SPEF2: variants seen among roughly 807,000 people sequenced by gnomAD.
SPEF2 encodes the protein sperm flagellar and cilia associated 2.
A neutral mutation model predicts 224.6 loss-of-function variants in SPEF2; 187 were observed. The observed-to-expected ratio is 0.83, with a 90% CI of 0.74 to 0.94. The LOEUF (loss-of-function observed/expected upper bound fraction) is 0.94, where lower values mean the gene tolerates loss of function less well. Ranked by LOEUF, SPEF2 falls within the 40% of genes least tolerant of loss-of-function variation. The pLI, the probability that SPEF2 is intolerant of heterozygous loss-of-function variation, is 0.00. For synonymous variants in SPEF2, 715 were observed against 707.3 expected (o/e 1.01, Z -0.17); for missense variants, 2,170 against 2,135.6 (o/e 1.02, Z -0.32).
chr5:35,759,800 A>T (rs890349488), intron 25 of SPEF2, 81 bp downstream of exon 25: 1 of 1,306,288 alleles, frequency 7.7e-7, no homozygotes, highest in African/African-American at 1.5e-5. Context: ...ACTAATAAAA[A>T]TCACACTCCT....
At chr5:35,711,803 A>G (rs1055471252) in intron 19 of SPEF2, among the ~76,000 whole-genome samples, 9 of 152,254 alleles carry the variant, frequency 5.9e-5, no homozygotes, top group African/African-American at 2.2e-4. Context: ...CATTCTTATA[A>G]CTATCACTTC....
intron 9 of SPEF2, among the ~76,000 whole-genome samples, chr5:35,669,651 A>G (rs1750962346): frequency 6.6e-6 from 1 of 151,870 alleles, no homozygotes; most frequent in Admixed American, 6.6e-5. Flanking sequence ...TCACTTTTTT[A>G]TTGACTGTTT....
intron 20 of SPEF2, among the ~76,000 whole-genome samples, chr5:35,723,218 C>G (rs1026287721): frequency 2.6e-5 from 4 of 151,974 alleles, no homozygotes; most frequent in African/African-American, 9.7e-5. Context: ...TTTGAAGGAT[C>G]TGGAAGAACA....
intron 24 of SPEF2, among the ~76,000 whole-genome samples, chr5:35,754,062 A>G (rs1311745130): frequency 6.6e-6 from 1 of 152,172 alleles, no homozygotes; most frequent in Non-Finnish European, 1.5e-5. Flanking sequence ...GAGTTATCTC[A>G]CCAGACTCTC....
At chr5:35,619,040 A>G (rs1424267797) in intron 1 of SPEF2, among the ~76,000 whole-genome samples, 1 of 152,170 alleles carries the variant, frequency 6.6e-6, no homozygotes, top group African/African-American at 2.4e-5. Flanking sequence ...CTGTGGGTGC[A>G]AAGTAGTTAT....
intron 30 of SPEF2, among the ~76,000 whole-genome samples, chr5:35,780,115 C>T (rs1754123503): frequency 6.6e-6 from 1 of 152,176 alleles, no homozygotes; most frequent in Non-Finnish European, 1.5e-5. Context: ...TCTGCAGATC[C>T]AAAGTTCTTG....
chr5:35,677,183 C>T (rs1193053531), intron 10 of SPEF2, among the ~76,000 whole-genome samples: 3 of 152,096 alleles, frequency 2.0e-5, no homozygotes, highest in Non-Finnish European at 2.9e-5. Flanking sequence ...GAAATTCCAA[C>T]CAAAAGTGTC....
At chr5:35,800,246 T>C in intron 34 of SPEF2, 99 bp downstream of exon 34, 1 of 1,319,876 alleles carries the variant, frequency 7.6e-7, no homozygotes, top group Non-Finnish European at 1.0e-6. Flanking sequence ...ATCTCCGTAT[T>C]TTCCTAGGTG....
At chr5:35,785,430 G>A (rs1310808714) in intron 30 of SPEF2, among the ~76,000 whole-genome samples, 1 of 152,026 alleles carries the variant, frequency 6.6e-6, no homozygotes, top group Non-Finnish European at 1.5e-5. Context: ...AATATCTTTA[G>A]GAAAATCTGT....
At position 35,618,064 on chromosome 5, in the gene SPEF2, C is replaced by T; in HGVS notation, c.58+9C>T. On this transcript the variant is annotated intron_variant, in intron 1 of 36. Coordinates refer to ENST00000356031, the MANE Select transcript of SPEF2 (RefSeq NM_024867.4). Reference sequence around the variant, plus strand: ...GGTGTCCCGGACCGTGAGTGAGTGACCACGGCCAGGGGCGAGCGTCTGAGG... The same window carrying T: ...GGTGTCCCGGACCGTGAGTGAGTGATCACGGCCAGGGGCGAGCGTCTGAGG... 1.9e-6 allele frequency: 3 copies of T among 1,579,008 alleles called. No individual in the cohort carries two copies. The highest frequency in any genetic ancestry group is 8.6e-7 in the Non-Finnish European group (1 of 1,159,624).
chr5:35,760,344 C>CA (rs1751074675), intron 25 of SPEF2, among the ~76,000 whole-genome samples: 1 of 126,102 alleles, frequency 7.9e-6, no homozygotes, highest in Non-Finnish European at 1.7e-5. Context: ...GCCTGGGCGA[C>CA]AGAGGGAGAC....
intron 6 of SPEF2, 39 bp from the exon 7 acceptor site, chr5:35,654,501 T>C: frequency 6.8e-7 from 1 of 1,478,072 alleles, no homozygotes; most frequent in Non-Finnish European, 9.0e-7. Context: ...GGGATCACAT[T>C]ATTATTTAAA....
chr5:35,682,883 T>C (rs1457041499), intron 10 of SPEF2, among the ~76,000 whole-genome samples: 3 of 152,118 alleles, frequency 2.0e-5, no homozygotes, highest in Non-Finnish European at 4.4e-5. Flanking sequence ...TTTACAGGGG[T>C]AATCGGCAGC....
rs773002918 is a variant in SPEF2, at chr5:35,712,871, G to T, written c.2899G>T (p.Ala967Ser). The T allele has an allele frequency of 1.9e-6, 3 of 1,613,422 alleles. No individual in the cohort carries two copies. The highest frequency in any genetic ancestry group is 2.5e-6 in the Non-Finnish European group (3 of 1,179,766). Reference sequence around the variant, plus strand: ...AGGAAAAGGGAAGAAAGGTGAGACCGCACTCAAAAGAAAAGGTACAGCAGA... The same window carrying T: ...AGGAAAAGGGAAGAAAGGTGAGACCTCACTCAAAAGAAAAGGTACAGCAGA... ...QEGKGKKGETALKRKGSPKGK... is the reference protein window; with the variant it reads ...QEGKGKKGETSLKRKGSPKGK... Residue 967 changes from alanine to serine, a missense_variant, in exon 20 of 37, where the codon GCA becomes TCA. Transcript: ENST00000356031.
Position 35,697,676 on chromosome 5 carries a change from G to A in SPEF2, c.2038-14G>A. 6.3e-7 allele frequency: 1 copy of A among 1,594,288 alleles called. No homozygotes were observed. The highest frequency in any genetic ancestry group is 2.2e-5 in the East Asian group (1 of 44,756). On this transcript the variant is annotated splice_polypyrimidine_tract_variant and intron_variant, in intron 14 of 36. Transcript: ENST00000356031. The stretch of plus-strand genomic sequence containing the variant: ...AATTAGCCATCTTCTGTCATTTCTT[G>A]TTTATTTTCCCAGCTCACTACACGT...
At chr5:35,630,742 GTC>G (rs954297982) in intron 2 of SPEF2, among the ~76,000 whole-genome samples, 3 of 152,064 alleles carry the variant, frequency 2.0e-5, no homozygotes, top group Admixed American at 6.5e-5. Flanking sequence ...ACCCTAAATC[GTC>G]TCTCTCTCAG....
chr5:35,709,391 A>G, intron 19 of SPEF2: 2 of 1,208,680 alleles, frequency 1.7e-6, no homozygotes, highest in Non-Finnish European at 2.1e-6. Flanking sequence ...AGAAGAGGAA[A>G]AGGCACAGAG....
chr5:35,664,363 A>G (rs1341503133), intron 8 of SPEF2, among the ~76,000 whole-genome samples: 1 of 151,708 alleles, frequency 6.6e-6, no homozygotes, highest in Non-Finnish European at 1.5e-5. Flanking sequence ...GAAGGAAGGA[A>G]AGAAGGAAGG....
At chr5:35,729,296 G>A (rs571039751) in intron 21 of SPEF2, among the ~76,000 whole-genome samples, 9 of 152,248 alleles carry the variant, frequency 5.9e-5, no homozygotes, top group African/African-American at 2.2e-4. Context: ...CCTAGGCTGA[G>A]GAGGTGCAGA....
Sources: gnomAD v4.1 joint callset for allele counts (sites outside exome capture counted in the v4.1 genomes callset) on GRCh38, gnomAD v4.1.1 for gene constraint, MANE v1.5 for transcripts, NCBI Gene and HGNC (gene_info 2026-07-23, HGNC 2026-07-21) for gene names.